The following THRB variants were observed in gnomAD, a reference collection of about 807,000 sequenced individuals.
THRB encodes nuclear receptor subfamily 1 group A member 2.
A neutral mutation model predicts 47.8 loss-of-function variants in THRB; 12 were observed. The observed-to-expected ratio is 0.25, with a 90% CI of 0.16 to 0.41. THRB has a LOEUF of 0.41. Ranked by LOEUF, THRB falls within the 10% of genes least tolerant of loss-of-function variation. THRB has a pLI of 1.00. For missense variants in THRB, 348 were observed against 589.2 expected, an observed-to-expected ratio of 0.59 and a Z score of 4.24; for synonymous variants, 218 against 212.2, an observed-to-expected ratio of 1.03 and a Z score of -0.24.
At chr3:24,155,460 A>G (rs60750779) in intron 5 of THRB, among the ~76,000 whole-genome samples, 5,310 of 152,314 alleles carry the variant, frequency 0.035, 129 homozygotes, top group South Asian at 0.085. Flanking sequence ...TGATACATCA[A>G]TCATTATGCC....
intron 3 of THRB, among the ~76,000 whole-genome samples, chr3:24,286,416 C>T (rs1335317489): frequency 6.6e-6 from 1 of 152,150 alleles, no homozygotes; most frequent in Non-Finnish European, 1.5e-5. Flanking sequence ...CAGACATGCT[C>T]CATTTCTTCA....
At chr3:24,129,360 A>C (rs955291043) in intron 9 of THRB, among the ~76,000 whole-genome samples, 2 of 152,220 alleles carry the variant, frequency 1.3e-5, no homozygotes, top group Admixed American at 6.5e-5. Flanking sequence ...CTAGCATAGA[A>C]CAGCAACAAG....
chr3:24,424,607 T>C (rs2069579515), intron 1 of THRB, among the ~76,000 whole-genome samples: 1 of 151,976 alleles, frequency 6.6e-6, no homozygotes, highest in Non-Finnish European at 1.5e-5. Context: ...ATAAGAATTA[T>C]AAGGGCTGAC....
Position 24,122,040 on chromosome 3 carries a change from T to G in THRB, c.*844A>C, listed in dbSNP as rs916731749. The G allele has an allele frequency of 6.6e-6, 1 of 152,594 alleles. No homozygotes were observed. Among genetic ancestry groups the G allele is most frequent in the Non-Finnish European group, 1.5e-5 (1 of 68,026 alleles). The allele number at this position is 152,594 out of a possible 1,614,324, so 9.5% of individuals were successfully genotyped here. On this transcript the variant is annotated 3_prime_UTR_variant, in exon 11 of 11. Transcript: ENST00000646209. The stretch of plus-strand genomic sequence containing the variant: ...CAGATCAGATGCCACAGAAAAGGGG[T>G]GCCACCCTGTAAATAGGTTTGATTT...
At chr3:24,441,631 C>T (rs1179098275) in intron 1 of THRB, among the ~76,000 whole-genome samples, 1 of 151,720 alleles carries the variant, frequency 6.6e-6, no homozygotes, top group Non-Finnish European at 1.5e-5. Flanking sequence ...ATAGCATAAT[C>T]CATATATACA....
chr3:24,451,645 G>A (rs2072668388), intron 1 of THRB, among the ~76,000 whole-genome samples: 1 of 152,072 alleles, frequency 6.6e-6, no homozygotes, highest in Admixed American at 6.6e-5. Flanking sequence ...TTTCCTTTTG[G>A]TGAGGACAGC....
chr3:24,206,993 G>A (rs2045442887), intron 4 of THRB, among the ~76,000 whole-genome samples: 1 of 152,138 alleles, frequency 6.6e-6, no homozygotes, highest in Non-Finnish European at 1.5e-5. Flanking sequence ...TGAAATTGAG[G>A]CAATAATTAA....
chr3:24,383,207 C>T (rs182249177), intron 1 of THRB, among the ~76,000 whole-genome samples: 1 of 151,862 alleles, frequency 6.6e-6, no homozygotes, highest in African/African-American at 2.4e-5. Context: ...AACAAAGTAC[C>T]CGGCTCAGAA....
intron 9 of THRB, among the ~76,000 whole-genome samples, chr3:24,129,335 C>T (rs989018714): frequency 6.6e-6 from 1 of 152,308 alleles, no homozygotes; most frequent in African/African-American, 2.4e-5. Context: ...TCACAGATCC[C>T]ACTCTTGAGA....
rs114357489 is a variant in THRB at position 24,218,674 on chromosome 3, C to T, written c.22+10264G>A. Among the ~76,000 whole-genome samples, 734 of 152,136 alleles carry T rather than the reference C, an allele frequency of 4.8e-3. 3 individuals are homozygous for T. Among genetic ancestry groups the T allele is most frequent in the African/African-American group, 0.017 (707 of 41,488 alleles). ...TGTTGTATGTTGTGCCCCAGTGCTC[C>T]AGACTCTATGTTAAGTGATTTATAT... On this transcript the variant is annotated intron_variant, in intron 4 of 10. Transcript: ENST00000646209.
At chr3:24,220,588 C>T (rs2047051887) in intron 4 of THRB, among the ~76,000 whole-genome samples, 2 of 152,138 alleles carry the variant, frequency 1.3e-5, no homozygotes, top group Admixed American at 6.5e-5. Context: ...TTCTGGTCAC[C>T]TGGCTGTCAT....
chr3:24,212,429 A>G (rs2046136061), intron 4 of THRB, among the ~76,000 whole-genome samples: 1 of 151,306 alleles, frequency 6.6e-6, no homozygotes, highest in African/African-American at 2.4e-5. Context: ...AAACGAAACG[A>G]AAATTAGCCA....
chr3:24,142,628 A>G (rs2148993157), intron 8 of THRB, among the ~76,000 whole-genome samples: 1 of 152,358 alleles, frequency 6.6e-6, no homozygotes, highest in Middle Eastern at 3.4e-3. Context: ...AAAGGGTTTT[A>G]TATCATAAAC....
At chr3:24,399,784 A>G (rs997358041) in intron 1 of THRB, among the ~76,000 whole-genome samples, 5 of 152,138 alleles carry the variant, frequency 3.3e-5, no homozygotes, top group Admixed American at 3.3e-4. Flanking sequence ...CATTGAATAC[A>G]GAGCCAGAAC....
chr3:24,122,698 A>C lies in THRB; in HGVS notation c.*186T>G, dbSNP rs545997656. ...TTCACATCACAGGACCGGAGAACGA[A>C]ATGCAATAGTTTCAAGTACCCGCAT... is the stretch of plus-strand genomic sequence containing the variant. On this transcript the variant is annotated 3_prime_UTR_variant, in exon 11 of 11. Transcript: ENST00000646209. 1.7e-5 allele frequency: 13 copies of C among 749,504 alleles called. 1 individual carries two copies. In the South Asian group the frequency reaches 2.1e-4, roughly 12 times the overall value. 46.4% of individuals were successfully genotyped at this position (749,504 alleles called of 1,614,324 possible). A position where few individuals can be genotyped will look rare whatever the true frequency, so the allele number is the denominator to read the frequency against.
intron 3 of THRB, among the ~76,000 whole-genome samples, chr3:24,276,621 CATT>C (rs757207761): frequency 4.6e-5 from 7 of 152,282 alleles, no homozygotes; most frequent in East Asian, 1.9e-4. Flanking sequence ...ACATGTTAGC[CATT>C]ATTATTACCA....
Position 24,260,544 on chromosome 3 carries a change from C to T in THRB, c.-42-31543G>A, listed in dbSNP as rs140458352. ...CTTTCTCTGGCTTTCTCTTTATCAT[C>T]ATGTCAATTCCAGCTGCTCATCACT... On this transcript the variant is annotated intron_variant, in intron 3 of 10. Coordinates refer to ENST00000646209, the MANE Select transcript of THRB (RefSeq NM_001354712.2). Among the ~76,000 whole-genome samples the T allele has an allele frequency of 1.4e-4, 22 of 152,326 alleles. No individual in the cohort carries two copies. In the East Asian group the frequency reaches 3.9e-3, roughly 27 times the overall value.
chr3:24,280,099 G>T (rs1281696884), intron 3 of THRB, among the ~76,000 whole-genome samples: 2 of 152,134 alleles, frequency 1.3e-5, no homozygotes, highest in Non-Finnish European at 2.9e-5. Flanking sequence ...TATAGAACCG[G>T]GGGAGGAGCC....
At chr3:24,197,777 G>A (rs1236432228) in intron 4 of THRB, among the ~76,000 whole-genome samples, 1 of 152,186 alleles carries the variant, frequency 6.6e-6, no homozygotes, top group Non-Finnish European at 1.5e-5. Context: ...TCAAAGTTCT[G>A]CAACAAAAGG....
Sources: allele counts gnomAD v4.1 joint callset (sites outside exome capture counted in the v4.1 genomes callset), GRCh38; gene constraint gnomAD v4.1.1; transcripts MANE v1.5; gene names NCBI Gene and HGNC (gene_info 2026-07-23, HGNC 2026-07-21).